Variants in GRM8 observed in about 807,000 individuals in gnomAD.
GRM8 encodes the protein metabotropic glutamate receptor 8.
Under a neutral mutation model 87.2 loss-of-function variants are expected in GRM8, and 47 were observed. That is an observed-to-expected ratio of 0.54 (90% CI 0.43 to 0.69). The LOEUF is 0.69. Ranked by LOEUF, GRM8 falls within the 30% of genes least tolerant of loss-of-function variation. The pLI, the probability that GRM8 is intolerant of heterozygous loss-of-function variation, is 0.00. For synonymous variants in GRM8, 396 were observed against 404.5 expected, an observed-to-expected ratio of 0.98 and a Z score of 0.25; for missense variants, 1,019 against 1,139.2, an observed-to-expected ratio of 0.89 and a Z score of 1.52.
chr7:126,547,372 T>A (rs972618372), intron 8 of GRM8, among the ~76,000 whole-genome samples: 7 of 151,926 alleles, frequency 4.6e-5, no homozygotes, highest in African/African-American at 1.4e-4. Context: ...GAGATTTTTT[T>A]AAAAATAGAT....
At chr7:127,040,069 AG>A (rs1818276488) in intron 3 of GRM8, among the ~76,000 whole-genome samples, 4 of 1,744 alleles carry the variant, frequency 2.3e-3, no homozygotes, top group African/African-American at 0.012. Flanking sequence ...GAAGAAGGGG[AG>A]ATGGGTGGGG....
chr7:126,474,984 C>A (rs1190014070), intron 9 of GRM8, among the ~76,000 whole-genome samples: 1 of 152,070 alleles, frequency 6.6e-6, no homozygotes, highest in Non-Finnish European at 1.5e-5. Flanking sequence ...AGATCCTCAA[C>A]ATAACAAATG....
intron 3 of GRM8, among the ~76,000 whole-genome samples, chr7:127,003,303 G>A (rs1813908819): frequency 6.6e-6 from 1 of 151,668 alleles, no homozygotes; most frequent in Admixed American, 6.6e-5. Flanking sequence ...AACATCTTAG[G>A]AAAACATCCT....
chr7:126,591,806 T>C (rs1051205355), intron 8 of GRM8, among the ~76,000 whole-genome samples: 4 of 151,528 alleles, frequency 2.6e-5, no homozygotes, highest in African/African-American at 7.2e-5. Context: ...AAATAGATAT[T>C]AGAAACTCAC....
intron 7 of GRM8, among the ~76,000 whole-genome samples, chr7:126,766,962 T>C (rs980857418): frequency 2.0e-5 from 3 of 152,166 alleles, no homozygotes; most frequent in African/African-American, 7.2e-5. Flanking sequence ...AGCAATGATA[T>C]GTGTGTAAGT....
At chr7:127,231,858 AT>A (rs1010844676) in intron 2 of GRM8, among the ~76,000 whole-genome samples, 3 of 100,220 alleles carry the variant, frequency 3.0e-5, no homozygotes, top group South Asian at 4.4e-4. Context: ...AGAATTGGTG[AT>A]TTTTTTCTTT....
chr7:126,485,618 T>C (rs758953028), intron 9 of GRM8, among the ~76,000 whole-genome samples: 4 of 151,988 alleles, frequency 2.6e-5, no homozygotes, highest in Admixed American at 1.3e-4. Flanking sequence ...CTCTCTATTA[T>C]AGTATAGACA....
intron 6 of GRM8, among the ~76,000 whole-genome samples, chr7:126,832,545 G>A (rs1447814516): frequency 6.6e-6 from 1 of 152,074 alleles, no homozygotes; most frequent in Non-Finnish European, 1.5e-5. Flanking sequence ...CAATTAATAT[G>A]TTTGCCTACT....
chr7:126,616,033 C>T (rs1451777672), intron 7 of GRM8, among the ~76,000 whole-genome samples: 1 of 152,176 alleles, frequency 6.6e-6, no homozygotes, highest in African/African-American at 2.4e-5. Flanking sequence ...ACCTAATAGA[C>T]ATCTACAGAA....
intron 7 of GRM8, among the ~76,000 whole-genome samples, chr7:126,663,192 T>G (rs985493633): frequency 1.3e-5 from 2 of 152,226 alleles, no homozygotes; most frequent in Non-Finnish European, 2.9e-5. Flanking sequence ...GATGGATTCA[T>G]GGCCAAATTC....
chr7:127,227,205 G>A (rs1013795834), intron 2 of GRM8, among the ~76,000 whole-genome samples: 2 of 152,196 alleles, frequency 1.3e-5, no homozygotes, highest in African/African-American at 4.8e-5. Flanking sequence ...CTGGGACAAG[G>A]ATGGATAAGT....
rs79557133 is a variant in GRM8 at position 126,871,568 on chromosome 7, C to T, written c.1156+30974G>A. ...AGAAAGAAGAGGAAAAGGCTCCATG[C>T]CAGTCATTTTATAGTAAGCCAAGAT... On this transcript the variant is annotated intron_variant, in intron 6 of 10. Transcript: ENST00000339582. 5.8e-4 allele frequency among the ~76,000 whole-genome samples: 88 copies of T among 152,228 alleles called. No homozygotes were observed. In the East Asian group the frequency reaches 0.016, roughly 28 times the overall value.
chr7:126,763,442 CATATATAT>C lies in GRM8; in HGVS notation c.1357+6415_1357+6422del, dbSNP rs750564318. ...AGCCACCATTATCATATGATAAATT[CATATATAT>C]ATATATATATATATATATATATACA... is the stretch of plus-strand genomic sequence containing the variant. On this transcript the variant is annotated intron_variant, in intron 7 of 10. Coordinates refer to ENST00000339582, the MANE Select transcript of GRM8 (RefSeq NM_000845.3). 2.4e-3 allele frequency among the ~76,000 whole-genome samples: 290 copies of C among 119,916 alleles called. 3 individuals carry two copies. The highest frequency in any genetic ancestry group is 6.6e-3 in the Middle Eastern group (1 of 152). The allele number at this position is 119,916 out of a possible 152,430, so 78.7% of individuals were successfully genotyped here. A position where few individuals can be genotyped will look rare whatever the true frequency, so the allele number is the denominator to read the frequency against.
intron 8 of GRM8, among the ~76,000 whole-genome samples, chr7:126,565,088 T>G (rs1794090080): frequency 6.6e-6 from 1 of 152,034 alleles, no homozygotes; most frequent in South Asian, 2.1e-4. Flanking sequence ...ATGAAAAGCC[T>G]ACAGGTAACA....
At chr7:126,855,713 T>C (rs1204512) in intron 6 of GRM8, among the ~76,000 whole-genome samples, 152,231 of 152,234 alleles carry the variant, frequency 1, 76,114 homozygotes, top group Middle Eastern at 1. Flanking sequence ...TGACCTGAAG[T>C]GATAAACCGC....
intron 3 of GRM8, among the ~76,000 whole-genome samples, chr7:126,948,171 A>T (rs1563344306): frequency 6.6e-6 from 1 of 152,142 alleles, no homozygotes; most frequent in Admixed American, 6.5e-5. Context: ...AACACTATTG[A>T]ATCTTGTCAC....
chr7:126,648,849 T>A (rs544571407), intron 7 of GRM8, among the ~76,000 whole-genome samples: 1 of 152,334 alleles, frequency 6.6e-6, no homozygotes, highest in South Asian at 2.1e-4. Context: ...AGATGAAGAA[T>A]ATAGGGAAAC....
At chr7:126,875,752 A>C (rs1040641484) in intron 6 of GRM8, among the ~76,000 whole-genome samples, 2 of 151,798 alleles carry the variant, frequency 1.3e-5, no homozygotes, top group African/African-American at 4.8e-5. Context: ...ATCACTTCTC[A>C]CCTGAATTAA....
At chr7:127,208,946 A>T (rs1250509537) in intron 2 of GRM8, among the ~76,000 whole-genome samples, 2 of 152,216 alleles carry the variant, frequency 1.3e-5, no homozygotes, top group African/African-American at 4.8e-5. Context: ...CATAGTTCCC[A>T]GTTCCATTTC....
Sources: allele counts gnomAD v4.1 joint callset (sites outside exome capture counted in the v4.1 genomes callset), GRCh38; gene constraint gnomAD v4.1.1; transcripts MANE v1.5; gene names NCBI Gene and HGNC (gene_info 2026-07-23, HGNC 2026-07-21).